ACER3: variants seen among roughly 807,000 people sequenced by gnomAD.
ACER3 encodes alkaline ceramidase 3.
Under a neutral mutation model 48.9 loss-of-function variants are expected in ACER3, and 16 were observed. The observed-to-expected ratio is 0.33, with a 90% CI of 0.22 to 0.50. The LOEUF (loss-of-function observed/expected upper bound fraction) is 0.50. Ranked by LOEUF, ACER3 falls within the 20% of genes least tolerant of loss-of-function variation. The pLI, the probability that ACER3 is intolerant of heterozygous loss-of-function variation, is 0.98. For synonymous variants in ACER3, 109 were observed against 107.8 expected (o/e 1.01, Z -0.07); for missense variants, 227 against 326.0 (o/e 0.70, Z 2.34).
chr11:76,900,497 T>C (rs1946052018), intron 1 of ACER3, among the ~76,000 whole-genome samples: 1 of 152,170 alleles, frequency 6.6e-6, no homozygotes, highest in African/African-American at 2.4e-5. Context: ...GTCTATGTCG[T>C]AAAAGGAGTC....
chr11:76,897,263 G>A (rs1160564905), intron 1 of ACER3, among the ~76,000 whole-genome samples: 4 of 152,126 alleles, frequency 2.6e-5, no homozygotes, highest in African/African-American at 9.7e-5. Context: ...GGCCAGGGAG[G>A]AGAACTTTAA....
rs1949455989 is a variant in ACER3 at position 77,020,546 on chromosome 11, G to A, written c.*219G>A. On this transcript the variant is annotated 3_prime_UTR_variant, in exon 11 of 11. Coordinates refer to ENST00000532485, the MANE Select transcript of ACER3 (RefSeq NM_018367.7). ...TTATTTGTCCCCCTCCTCCTTTCAC[G>A]CTCCAGTTTATAAAGAAACAGAGAT... 7.7e-6 allele frequency: 4 copies of A among 517,018 alleles called. No homozygotes were observed. Among genetic ancestry groups the A allele is most frequent in the African/African-American group, 5.8e-5 (3 of 51,744 alleles). 32.0% of individuals were successfully genotyped at this position (517,018 alleles called of 1,614,324 possible).
chr11:76,896,305 A>G (rs1457584901), intron 1 of ACER3, among the ~76,000 whole-genome samples: 1 of 152,106 alleles, frequency 6.6e-6, no homozygotes, highest in Non-Finnish European at 1.5e-5. Flanking sequence ...TTGCATCAGA[A>G]CCTTTCGTGA....
At position 76,914,430 on chromosome 11, in the gene ACER3, A is replaced by G. The variant is rs529038249; in HGVS notation, c.104-12127A>G. On this transcript the variant is annotated intron_variant, in intron 1 of 10. Transcript: ENST00000532485. ...AAAAGAAGACATTTATGCAGCCCAA[A>G]AACACATGAAAAAATGCTCACCATC... Among the ~76,000 whole-genome samples the G allele has an allele frequency of 1.5e-3, 226 of 152,346 alleles. 2 individuals carry two copies. Among genetic ancestry groups the G allele is most frequent in the African/African-American group, 5.2e-3 (215 of 41,582 alleles).
intron 1 of ACER3, among the ~76,000 whole-genome samples, chr11:76,891,693 C>T (rs895150736): frequency 2.0e-5 from 3 of 152,068 alleles, no homozygotes; most frequent in Non-Finnish European, 4.4e-5. Context: ...AGGCTATCTC[C>T]AATTAGATAG....
chr11:76,875,916 A>G (rs1474539563), intron 1 of ACER3, among the ~76,000 whole-genome samples: 1 of 151,494 alleles, frequency 6.6e-6, no homozygotes. Flanking sequence ...TTGTATTATT[A>G]GTAGAGACAG....
intron 2 of ACER3, among the ~76,000 whole-genome samples, chr11:76,929,327 G>C (rs1234626695): frequency 6.6e-6 from 1 of 152,200 alleles, no homozygotes. Flanking sequence ...CTGAGACTTT[G>C]CTGAAGTTGC....
intron 1 of ACER3, among the ~76,000 whole-genome samples, chr11:76,904,078 G>T (rs553911568): frequency 6.6e-6 from 1 of 151,962 alleles, no homozygotes; most frequent in Non-Finnish European, 1.5e-5. Flanking sequence ...CCTCAGCCTC[G>T]TGGGTTCAAG....
chr11:76,986,043 T>C (rs930739044), intron 5 of ACER3, among the ~76,000 whole-genome samples: 8 of 152,250 alleles, frequency 5.3e-5, no homozygotes, highest in African/African-American at 1.9e-4. Flanking sequence ...AAATGAGAGA[T>C]TGGCTCTGCT....
chr11:76,966,660 A>G (rs1295778737), intron 3 of ACER3, among the ~76,000 whole-genome samples: 2 of 150,090 alleles, frequency 1.3e-5, no homozygotes, highest in Admixed American at 6.6e-5. Flanking sequence ...AACTCACTCA[A>G]AACTGCTCAA....
chr11:76,977,733 C>T (rs1050434019), intron 4 of ACER3, among the ~76,000 whole-genome samples: 3 of 152,158 alleles, frequency 2.0e-5, no homozygotes, highest in Non-Finnish European at 4.4e-5. Flanking sequence ...AACCCCGTCC[C>T]CTACTGAGTT....
At chr11:76,883,504 G>C (rs922752380) in intron 1 of ACER3, among the ~76,000 whole-genome samples, 2 of 134,596 alleles carry the variant, frequency 1.5e-5, no homozygotes, top group Non-Finnish European at 3.1e-5. Context: ...GCAGTAGCAC[G>C]ATCTCAGCTC....
chr11:76,865,138 ATTTTTT>A (rs35627838), intron 1 of ACER3, among the ~76,000 whole-genome samples: 2 of 128,330 alleles, frequency 1.6e-5, no homozygotes, highest in African/African-American at 2.9e-5. Context: ...TGCCCAGCTA[ATTTTTT>A]TTTTTTTTTT....
chr11:76,894,143 G>C (rs1945874720), intron 1 of ACER3, among the ~76,000 whole-genome samples: 1 of 152,288 alleles, frequency 6.6e-6, no homozygotes, highest in African/African-American at 2.4e-5. Context: ...GCTGGGCGTG[G>C]TGGTACACTC....
At chr11:76,977,039 G>T (rs2135156276) in intron 4 of ACER3, among the ~76,000 whole-genome samples, 2 of 152,318 alleles carry the variant, frequency 1.3e-5, no homozygotes, top group East Asian at 3.9e-4. Context: ...TTTGTACTGT[G>T]CTAGGCAGTG....
intron 8 of ACER3, among the ~76,000 whole-genome samples, chr11:77,015,646 A>C (rs1949351745): frequency 6.6e-6 from 1 of 152,148 alleles, no homozygotes; most frequent in African/African-American, 2.4e-5. Flanking sequence ...GAGCATGCTG[A>C]ACAGGTTAAA....
chr11:76,926,584 T>A lies in ACER3; in HGVS notation c.131T>A (p.Ile44Asn). ...AATACAGTGAGTAACCTGATCATGA[T>A]TATACCTCCAATGTTCGGTGCAGTT... ...FWNTVSNLIM[I>N]IPPMFGAVQS... Residue 44 changes from isoleucine to asparagine, a missense_variant, in exon 2 of 11, where the codon ATT (isoleucine) becomes AAT (asparagine). Transcript: ENST00000532485. 1 of 1,608,358 alleles carries A rather than the reference T, an allele frequency of 6.2e-7. No individual in the cohort carries two copies. Among genetic ancestry groups the A allele is most frequent in the Non-Finnish European group, 8.5e-7 (1 of 1,175,180 alleles).
chr11:76,950,391 ATATATATATATATATATAT>A (rs1947624139), intron 2 of ACER3, among the ~76,000 whole-genome samples: 1 of 30,440 alleles, frequency 3.3e-5, no homozygotes, highest in African/African-American at 1.3e-4. Context: ...ATATATATAT[ATATATATATATATATATAT>A]AATTTACACA....
intron 2 of ACER3, chr11:76,957,397 T>G (rs1441458286): frequency 2.4e-6 from 1 of 411,412 alleles, no homozygotes; most frequent in Non-Finnish European, 4.9e-6. Flanking sequence ...AAGCACAGAA[T>G]TATTGAATAC....
Sources: gnomAD v4.1 joint callset for allele counts (sites outside exome capture counted in the v4.1 genomes callset) on GRCh38, gnomAD v4.1.1 for gene constraint, MANE v1.5 for transcripts, NCBI Gene and HGNC (gene_info 2026-07-23, HGNC 2026-07-21) for gene names.